SMARCC1: variants seen among roughly 807,000 people sequenced by gnomAD.
SMARCC1 encodes the protein SWI/SNF related BAF chromatin remodeling complex subunit C1, also known as SWI/SNF complex subunit SMARCC1.
A neutral mutation model predicts 147.4 loss-of-function variants in SMARCC1; 43 were observed. The ratio of observed to expected loss-of-function variants is 0.29; its 90% CI spans 0.23 to 0.38. The LOEUF is 0.38. SMARCC1 is among the 10% of genes least tolerant of loss of function. SMARCC1 has a pLI of 1.00. For synonymous variants in SMARCC1, 495 were observed against 484.4 expected (o/e 1.02, Z -0.29); for missense variants, 1,119 against 1,381.1 (o/e 0.81, Z 3.01).
intron 26 of SMARCC1, among the ~76,000 whole-genome samples, chr3:47,608,294 G>T (rs892193910): frequency 3.2e-5 from 4 of 125,566 alleles, no homozygotes; most frequent in African/African-American, 1.1e-4. Flanking sequence ...TGCCATTTTG[G>T]CCAAGCTGGT....
intron 2 of SMARCC1, among the ~76,000 whole-genome samples, chr3:47,766,281 C>T (rs2034838910): frequency 6.6e-6 from 1 of 151,860 alleles, no homozygotes; most frequent in Non-Finnish European, 1.5e-5. Flanking sequence ...AAAAACAGCT[C>T]TAGGCCGGGC....
Position 47,590,758 on chromosome 3 carries a change from G to C in SMARCC1, c.3123C>G (p.Ile1041Met). The change falls in exon 27 of 28, where the codon ATC becomes ATG. Residue 1041 changes from isoleucine to methionine, a missense_variant. Physicochemically the swap from Ile to Met is conservative, Grantham distance 10 (BLOSUM62 1). Around this residue, in one of 6 missense-constraint regions of SMARCC1, gnomAD observed 186 missense variants for 216.5 expected, o/e 0.86. Coordinates refer to ENST00000254480, the MANE Select transcript of SMARCC1 (RefSeq NM_003074.4). ...GRMIPTVAANIHPSGSGPTPP... is the reference protein window; with the variant it reads ...GRMIPTVAANMHPSGSGPTPP... ...GGGTAGGGCCACTCCCAGAGGGGTG[G>C]ATGTTGGCTGCAACAGTGGGAATCA... 3.1e-6 allele frequency: 5 copies of C among 1,604,518 alleles called. No individual in the cohort carries two copies. Among genetic ancestry groups the C allele is most frequent in the Non-Finnish European group, 4.3e-6 (5 of 1,176,260 alleles).
intron 2 of SMARCC1, among the ~76,000 whole-genome samples, chr3:47,756,497 C>T (rs1279737643): frequency 1.5e-5 from 2 of 137,334 alleles, no homozygotes; most frequent in African/African-American, 2.7e-5. Flanking sequence ...CGCGCCATTG[C>T]GCTCCAGCCT....
At chr3:47,622,079 G>GA (rs548123740) in intron 25 of SMARCC1, 128 bp downstream of exon 25, 10 of 836,864 alleles carry the variant, frequency 1.2e-5, no homozygotes, top group Non-Finnish European at 1.7e-5. Context: ...ATCAAACACA[G>GA]AAAAAAGGAC....
intron 7 of SMARCC1, among the ~76,000 whole-genome samples, chr3:47,715,042 T>C (rs1309703865): frequency 6.6e-6 from 1 of 152,140 alleles, no homozygotes; most frequent in Admixed American, 6.5e-5. Context: ...TGATAGTCCT[T>C]ATATTCACCA....
chr3:47,777,368 A>C (rs11708849), intron 1 of SMARCC1, among the ~76,000 whole-genome samples: 91,610 of 150,948 alleles, frequency 0.61, 28,988 homozygotes, highest in East Asian at 0.72. Context: ...CAGGCGTGAG[A>C]CACCATGCCC....
chr3:47,689,196 A>G (rs934649862), intron 13 of SMARCC1, among the ~76,000 whole-genome samples, 191 bp downstream of exon 13: 4 of 152,056 alleles, frequency 2.6e-5, no homozygotes, highest in African/African-American at 9.7e-5. Flanking sequence ...ACTAACAAAA[A>G]CACCTTCCAG....
At chr3:47,686,593 C>T (rs533243107) in intron 13 of SMARCC1, among the ~76,000 whole-genome samples, 4 of 151,916 alleles carry the variant, frequency 2.6e-5, no homozygotes, top group East Asian at 1.9e-4. Flanking sequence ...TACATTTAAA[C>T]GTATTTTAAA....
chr3:47,687,326 A>T (rs1576411657), intron 13 of SMARCC1, among the ~76,000 whole-genome samples: 1 of 152,218 alleles, frequency 6.6e-6, no homozygotes, highest in African/African-American at 2.4e-5. Flanking sequence ...TTTAGTTAAT[A>T]TATTTTTGTG....
At chr3:47,634,137 C>G (rs2032937276) in intron 24 of SMARCC1, among the ~76,000 whole-genome samples, 1 of 151,966 alleles carries the variant, frequency 6.6e-6, no homozygotes, top group Admixed American at 6.6e-5. Context: ...GATTCTTTAG[C>G]TAATTTTAGT....
At chr3:47,746,032 T>C (rs1480542441) in intron 2 of SMARCC1, 39 bp from the exon 3 acceptor site, 2 of 1,347,540 alleles carry the variant, frequency 1.5e-6, no homozygotes, top group East Asian at 2.4e-5. Flanking sequence ...AAAATAAAGC[T>C]TCTGACAAAA....
At chr3:47,670,321 C>G (rs1018058160) in intron 19 of SMARCC1, 4 of 285,788 alleles carry the variant, frequency 1.4e-5, no homozygotes, top group Admixed American at 5.1e-5. Flanking sequence ...AGGCCAGGCA[C>G]AGTGGTTCAT....
intron 26 of SMARCC1, among the ~76,000 whole-genome samples, chr3:47,592,582 G>C (rs2032202175): frequency 6.6e-6 from 1 of 152,120 alleles, no homozygotes; most frequent in African/African-American, 2.4e-5. Flanking sequence ...TAAACCAAGC[G>C]ATTTGGCTGC....
chr3:47,731,183 G>A (rs559263941), intron 5 of SMARCC1, among the ~76,000 whole-genome samples: 4 of 152,232 alleles, frequency 2.6e-5, no homozygotes, highest in East Asian at 1.9e-4. Flanking sequence ...TCATTTCAAC[G>A]TTAACAGCGA....
intron 1 of SMARCC1, among the ~76,000 whole-genome samples, chr3:47,776,405 G>A (rs2034975834): frequency 1.3e-5 from 2 of 152,044 alleles, no homozygotes; most frequent in African/African-American, 2.4e-5. Flanking sequence ...AGTTTGAGAC[G>A]AGCCTGGCCA....
chr3:47,681,419 C>T (rs1422782725), intron 14 of SMARCC1, among the ~76,000 whole-genome samples: 1 of 152,070 alleles, frequency 6.6e-6, no homozygotes, highest in Non-Finnish European at 1.5e-5. Flanking sequence ...ACAATATATG[C>T]AAACGCTAAT....
At position 47,622,186 on chromosome 3, in the gene SMARCC1, TA is replaced by T; in HGVS notation, c.2781+20del. 6.3e-7 allele frequency: 1 copy of T among 1,592,480 alleles called. No individual in the cohort carries two copies. The highest frequency in any genetic ancestry group is 1.2e-5 in the South Asian group (1 of 86,240). On this transcript the variant is annotated intron_variant, in intron 25 of 27. Transcript: ENST00000254480. ...CAAGGTTTAATTGTGAAAAAGCCAC[TA>T]AAAAATTCCAAATACTTACAGCTTC...
At chr3:47,670,580 C>A in intron 19 of SMARCC1, 78 bp downstream of exon 19, 1 of 949,206 alleles carries the variant, frequency 1.1e-6, no homozygotes, top group Non-Finnish European at 1.7e-6. Flanking sequence ...CGAGACCCTG[C>A]CTCTAAATAA....
At chr3:47,636,196 T>C (rs1215278452) in intron 22 of SMARCC1, 60 bp from the exon 23 acceptor site, 19 of 847,560 alleles carry the variant, frequency 2.2e-5, no homozygotes, top group Non-Finnish European at 3.5e-5. Flanking sequence ...GACCTTTTTA[T>C]GAGTAATTAT....
Sources: allele counts gnomAD v4.1 joint callset (sites outside exome capture counted in the v4.1 genomes callset), GRCh38; gene constraint gnomAD v4.1.1; regional missense constraint gnomAD v4.1.1; transcripts MANE v1.5; gene names NCBI Gene and HGNC (gene_info 2026-07-23, HGNC 2026-07-21).